FSD1L: variants seen among roughly 807,000 people sequenced by gnomAD.
FSD1L encodes FSD1-like protein.
In FSD1L, 45 loss-of-function variants were observed where a neutral mutation model predicts 71.6. That is an observed-to-expected ratio of 0.63 (90% CI 0.49 to 0.81). FSD1L has a LOEUF of 0.81. FSD1L is among the 30% of genes least tolerant of loss of function. The pLI is 0.00. For missense variants in FSD1L, 561 were observed against 618.1 expected (o/e 0.91, Z 0.98); for synonymous variants, 197 against 207.2 (o/e 0.95, Z 0.42).
At position 105,535,283 on chromosome 9, in the gene FSD1L, C is replaced by A. The variant is rs1412707138; in HGVS notation, c.1343C>A (p.Pro448His). 1.3e-6 allele frequency: 2 copies of A among 1,551,470 alleles called. No homozygotes were observed. The highest frequency in any genetic ancestry group is 1.7e-6 in the Non-Finnish European group (2 of 1,146,890). Reference sequence around the variant, plus strand: ...GTCAAAGCTTTGGATGTTACTGTTCCTGAAAAAATAGGTGTATTTTGTGAT... The same window carrying A: ...GTCAAAGCTTTGGATGTTACTGTTCATGAAAAAATAGGTGTATTTTGTGAT... The part of the protein sequence containing the change: ...NKVKALDVTV[P>H]EKIGVFCDFD... Residue 448 changes from proline (P) to histidine (H), a missense_variant, in exon 12 of 14, where the codon CCT becomes CAT. By Grantham distance (77) the Pro-to-His change is moderately conservative (BLOSUM62 -2). This residue lies in a region of FSD1L where 98 missense variants were observed against 102.3 expected (regional missense o/e 0.96). Coordinates refer to ENST00000481272, the MANE Select transcript of FSD1L (RefSeq NM_001145313.3).
intron 8 of FSD1L, 37 bp downstream of exon 8, chr9:105,506,645 A>G: frequency 7.5e-7 from 1 of 1,338,378 alleles, no homozygotes; most frequent in Non-Finnish European, 1.0e-6. Flanking sequence ...CATTCTCAGA[A>G]GATAAATGTA....
At chr9:105,458,853 G>A (rs988903909) in intron 1 of FSD1L, among the ~76,000 whole-genome samples, 10 of 152,162 alleles carry the variant, frequency 6.6e-5, no homozygotes, top group African/African-American at 1.9e-4. Flanking sequence ...ATAGAACTTT[G>A]TGACTTCACG....
chr9:105,466,321 C>T (rs1831065152), intron 3 of FSD1L, among the ~76,000 whole-genome samples: 1 of 152,192 alleles, frequency 6.6e-6, no homozygotes, highest in Non-Finnish European at 1.5e-5. Flanking sequence ...AAGTAATCTA[C>T]AGATTCATTG....
intron 10 of FSD1L, among the ~76,000 whole-genome samples, chr9:105,515,134 G>C (rs1277221418): frequency 6.6e-6 from 1 of 152,118 alleles, no homozygotes; most frequent in East Asian, 1.9e-4. Context: ...TGTGCACCAA[G>C]TCTGGTGCGA....
intron 7 of FSD1L, among the ~76,000 whole-genome samples, chr9:105,499,927 T>G (rs1833665615): frequency 6.6e-6 from 1 of 152,182 alleles, no homozygotes; most frequent in Non-Finnish European, 1.5e-5. Flanking sequence ...TTGAGAGATC[T>G]TCAAACTCAA....
chr9:105,457,067 A>G (rs1052818081), intron 1 of FSD1L, among the ~76,000 whole-genome samples: 1 of 152,180 alleles, frequency 6.6e-6, no homozygotes, highest in Non-Finnish European at 1.5e-5. Context: ...CTTTACCCAT[A>G]AGGCTTTGAT....
intron 1 of FSD1L, among the ~76,000 whole-genome samples, chr9:105,455,092 G>A (rs904093243): frequency 2.0e-5 from 3 of 152,012 alleles, no homozygotes; most frequent in African/African-American, 4.8e-5. Flanking sequence ...TCTTGATTCC[G>A]CTCTTTATCA....
chr9:105,517,989 GA>G (rs1834842343), intron 10 of FSD1L, among the ~76,000 whole-genome samples: 1 of 151,958 alleles, frequency 6.6e-6, no homozygotes, highest in Non-Finnish European at 1.5e-5. Flanking sequence ...ATGGAAAGCA[GA>G]AAAAAGCAGG....
chr9:105,457,617 A>G (rs1830434782), intron 1 of FSD1L, among the ~76,000 whole-genome samples: 1 of 152,076 alleles, frequency 6.6e-6, no homozygotes, highest in African/African-American at 2.4e-5. Flanking sequence ...CCAGCTAGAA[A>G]CCTCTGTAGC....
chr9:105,523,534 T>G, intron 10 of FSD1L: 1 of 1,612,884 alleles, frequency 6.2e-7, no homozygotes, highest in African/African-American at 1.3e-5. Context: ...CTCTGTGAAC[T>G]TTGGCAGAAT....
At chr9:105,488,641 TAG>T (rs1374758461) in intron 7 of FSD1L, among the ~76,000 whole-genome samples, 1 of 152,208 alleles carries the variant, frequency 6.6e-6, no homozygotes, top group Non-Finnish European at 1.5e-5. Context: ...AAGCAATGAA[TAG>T]AGTTCTGTTG....
intron 10 of FSD1L, among the ~76,000 whole-genome samples, chr9:105,533,414 A>ATTTTTTTTTTTTTTTTTTTTTTT (rs1271918066): frequency 1.3e-3 from 17 of 13,354 alleles, no homozygotes; most frequent in East Asian, 2.8e-3. Flanking sequence ...TGCCATTTCC[A>ATTTTTTTTTTTTTTTTTTTTTTT]TCTTTTTTTT....
chr9:105,458,401 T>C (rs1830485767), intron 1 of FSD1L, among the ~76,000 whole-genome samples: 1 of 152,170 alleles, frequency 6.6e-6, no homozygotes, highest in African/African-American at 2.4e-5. Context: ...TGGCGGTTCC[T>C]GAGTTCTTGT....
intron 13 of FSD1L, among the ~76,000 whole-genome samples, chr9:105,546,118 C>T (rs1330257182): frequency 1.3e-5 from 2 of 151,770 alleles, no homozygotes; most frequent in Non-Finnish European, 2.9e-5. Context: ...CCCTGAGTTC[C>T]TTCTCTTGGG....
In FSD1L at chr9:105,508,030, C is replaced by T. The variant is rs563434659; in HGVS notation, c.797-587C>T. On this transcript the variant is annotated intron_variant, in intron 8 of 13. Coordinates refer to ENST00000481272, the MANE Select transcript of FSD1L (RefSeq NM_001145313.3). ...TCTCAGCCTCTTGAGTAGCCACGCC[C>T]GGCTAATTTTGTATTTTTAGTAGAG... Among the ~76,000 whole-genome samples the T allele has an allele frequency of 8.0e-4, 121 of 151,690 alleles. 1 individual carries two copies. The highest frequency in any genetic ancestry group is 2.7e-3 in the African/African-American group (110 of 41,388).
intron 10 of FSD1L, among the ~76,000 whole-genome samples, chr9:105,529,036 C>T (rs373303268): frequency 3.3e-5 from 5 of 152,278 alleles, no homozygotes; most frequent in African/African-American, 1.2e-4. Flanking sequence ...CATCACTGGT[C>T]ATTAGAGAAA....
intron 10 of FSD1L, chr9:105,525,587 G>A (rs762327077): frequency 4.3e-6 from 7 of 1,612,944 alleles, no homozygotes; most frequent in African/African-American, 1.3e-5. Flanking sequence ...TGGGACAAAC[G>A]GAGGAGCTTT....
rs187389549 is a variant in FSD1L at position 105,469,797 on chromosome 9, T to C, written c.339+1473T>C. Among the ~76,000 whole-genome samples, 110 of 152,254 alleles carry C rather than the reference T, an allele frequency of 7.2e-4. 1 individual carries two copies. Among genetic ancestry groups the C allele is most frequent in the Non-Finnish European group, 2.2e-4 (15 of 68,018 alleles). On this transcript the variant is annotated intron_variant, in intron 4 of 13. Transcript: ENST00000481272. ...AGTTTTAAAGTTTTACGTCATCTAA[T>C]TTGTCTATTTTTGCTTTCATTGTCA...
At chr9:105,447,107 T>C (rs1175295185), upstream of FSD1L, among the ~76,000 whole-genome samples, 1 of 152,042 alleles carries the variant, frequency 6.6e-6, no homozygotes, top group Non-Finnish European at 1.5e-5. Context: ...GCGGACTGCC[T>C]GAGCTTAGGA....
Sources: allele counts gnomAD v4.1 joint callset (sites outside exome capture counted in the v4.1 genomes callset), GRCh38; gene constraint gnomAD v4.1.1; regional missense constraint gnomAD v4.1.1; transcripts MANE v1.5; gene names NCBI Gene and HGNC (gene_info 2026-07-23, HGNC 2026-07-21).